The following CASP8 variants were observed in gnomAD, a reference collection of about 807,000 sequenced individuals.
CASP8 encodes caspase 8, also known as caspase-8.
Under a neutral mutation model 46.3 loss-of-function variants are expected in CASP8, and 24 were observed. The ratio of observed to expected loss-of-function variants is 0.52; its 90% CI spans 0.38 to 0.73. The LOEUF is 0.73. CASP8 is among the 30% of genes least tolerant of loss of function. CASP8 has a pLI of 0.00. For missense variants in CASP8, 460 were observed against 559.0 expected (o/e 0.82, Z 1.79); for synonymous variants, 188 against 200.4 (o/e 0.94, Z 0.52).
At chr2:201,243,199 C>T (rs1946375367) in intron 2 of CASP8, among the ~76,000 whole-genome samples, 1 of 152,136 alleles carries the variant, frequency 6.6e-6, no homozygotes, top group Non-Finnish European at 1.5e-5. Flanking sequence ...TACACTTAAA[C>T]ATTTGCTAAG....
intron 2 of CASP8, among the ~76,000 whole-genome samples, chr2:201,243,911 G>A (rs1559330501): frequency 6.6e-6 from 1 of 152,174 alleles, no homozygotes; most frequent in African/African-American, 2.4e-5. Flanking sequence ...AAGGGTCGGG[G>A]GGCAGCAATC....
rs138030956 is a variant in CASP8, at chr2:201,284,865, C to T, written c.852C>T (p.His284=). 1.2e-4 allele frequency: 197 copies of T among 1,614,002 alleles called. No individual in the cohort carries two copies. Among genetic ancestry groups the T allele is most frequent in the Non-Finnish European group, 1.4e-4 (171 of 1,180,020 alleles). The change falls in exon 8 of 9, where the codon CAC becomes CAT. Residue 284 remains histidine, a synonymous_variant. Coordinates refer to ENST00000673742, the MANE Select transcript of CASP8 (RefSeq NM_001372051.1). The stretch of plus-strand genomic sequence containing the variant: ...AGCTTCATTTTGAGATCAAGCCCCA[C>T]GATGACTGCACAGTAGAGCAAATCT... ...FEELHFEIKP[H]DDCTVEQIYE...
At chr2:201,244,198 C>T (rs1222201781) in intron 2 of CASP8, among the ~76,000 whole-genome samples, 2 of 152,162 alleles carry the variant, frequency 1.3e-5, no homozygotes, top group Non-Finnish European at 2.9e-5. Context: ...ATTAATATGC[C>T]TGGGGTAGCT....
At chr2:201,283,683 G>T (rs1949319020) in intron 7 of CASP8, among the ~76,000 whole-genome samples, 1 of 86,512 alleles carries the variant, frequency 1.2e-5, no homozygotes, top group Non-Finnish European at 2.8e-5. Flanking sequence ...GGGGCGGATG[G>T]CCGACCACCC....
At chr2:201,268,909 TTG>T (rs58087434) in intron 2 of CASP8, among the ~76,000 whole-genome samples, 15,089 of 131,402 alleles carry the variant, frequency 0.11, 833 homozygotes, top group African/African-American at 0.16. Flanking sequence ...GGCCTCATCT[TTG>T]TGTGTGTGTG....
intron 2 of CASP8, among the ~76,000 whole-genome samples, chr2:201,252,920 T>C (rs750596722): frequency 1.3e-5 from 2 of 152,198 alleles, no homozygotes; most frequent in Non-Finnish European, 2.9e-5. Context: ...GAATTTTCTT[T>C]ACAGAAAGTG....
chr2:201,237,198 C>T lies in CASP8; in HGVS notation c.-27+3086C>T, dbSNP rs540535311. 2.0e-5 allele frequency among the ~76,000 whole-genome samples: 3 copies of T among 147,034 alleles called. No homozygotes were observed. The East Asian group carries it at 6.1e-4, about 30-fold the overall frequency. ...CTCCGCCTCCCAGGTTCAAAAGATT[C>T]TCCCACCTCAGCCTCCTGAGTAGCT... On this transcript the variant is annotated intron_variant, in intron 2 of 6. Coordinates refer to the CASP8 transcript ENST00000264274.
At chr2:201,237,374 A>T (rs1946096937) in intron 2 of CASP8, among the ~76,000 whole-genome samples, 1 of 149,764 alleles carries the variant, frequency 6.7e-6, no homozygotes, top group Non-Finnish European at 1.5e-5. Flanking sequence ...TACAGGCGTG[A>T]GCCACCTTGT....
At chr2:201,278,768 G>A (rs60928755) in intron 7 of CASP8, among the ~76,000 whole-genome samples, 1 of 152,006 alleles carries the variant, frequency 6.6e-6, no homozygotes, top group Admixed American at 6.6e-5. Flanking sequence ...CTGACCTCAG[G>A]TGATCCACTC....
intron 2 of CASP8, among the ~76,000 whole-genome samples, chr2:201,243,806 C>T (rs962904391): frequency 3.3e-5 from 5 of 152,170 alleles, no homozygotes; most frequent in African/African-American, 1.2e-4. Context: ...CCGAGGCATA[C>T]AGGAGGCGAT....
intron 7 of CASP8, among the ~76,000 whole-genome samples, chr2:201,279,561 C>T (rs1371500341): frequency 3.3e-5 from 5 of 152,258 alleles, no homozygotes; most frequent in Non-Finnish European, 5.9e-5. Context: ...GAACAAGCCA[C>T]ATCCACAAAC....
chr2:201,265,632 C>T (rs1477573826), intron 1 of CASP8, among the ~76,000 whole-genome samples: 2 of 152,054 alleles, frequency 1.3e-5, no homozygotes, highest in African/African-American at 4.8e-5. Flanking sequence ...CTTAGCTCCT[C>T]ATCACCTCCA....
intron 7 of CASP8, among the ~76,000 whole-genome samples, chr2:201,278,736 T>C (rs1195106949): frequency 6.6e-6 from 1 of 152,124 alleles, no homozygotes; most frequent in African/African-American, 2.4e-5. Flanking sequence ...TTCACCATGT[T>C]GGTCAGGCTG....
rs1422196480 is a variant in CASP8 at position 201,272,862 on chromosome 2, A to C, written c.551-36A>C. ...TCGCTCCATATCACAGTTGTTTCTA[A>C]TCAAATATTGTTTGGGGTTTCCCCT... On this transcript the variant is annotated intron_variant, in intron 4 of 8. Coordinates refer to ENST00000673742, the MANE Select transcript of CASP8 (RefSeq NM_001372051.1). This position sits in a 1 kb window ranked among gnomAD's most constrained non-coding sequence, Gnocchi z 4.4. 2 of 1,614,046 alleles carry C rather than the reference A, an allele frequency of 1.2e-6. No individual in the cohort carries two copies. The highest frequency in any genetic ancestry group is 3.3e-5 in the Admixed American group (2 of 60,028).
upstream of CASP8, among the ~76,000 whole-genome samples, chr2:201,257,685 A>T (rs1242627947): frequency 6.6e-6 from 1 of 152,150 alleles, no homozygotes; most frequent in East Asian, 1.9e-4. Context: ...GAGCCAGAAC[A>T]CTTCCTCCTT....
chr2:201,246,254 C>T (rs1226276355), intron 2 of CASP8, among the ~76,000 whole-genome samples: 1 of 152,110 alleles, frequency 6.6e-6, no homozygotes, highest in Non-Finnish European at 1.5e-5. Flanking sequence ...AAAAAGACAG[C>T]CCAGGGCACA....
In CASP8 at chr2:201,269,581, G is replaced by A. The variant is rs774427459; in HGVS notation, c.306-1935G>A. ...CAGACACAGTCTGTACCTTTCTGGC[G>A]GAGGGTCGATCATCTATTAATAAGG... On this transcript the variant is annotated intron_variant, in intron 2 of 8. Coordinates refer to ENST00000673742, the MANE Select transcript of CASP8 (RefSeq NM_001372051.1). 1.7e-5 allele frequency: 28 copies of A among 1,612,946 alleles called. No individual in the cohort carries two copies. Among genetic ancestry groups the A allele is most frequent in the Middle Eastern group, 1.6e-4 (1 of 6,082 alleles).
chr2:201,247,825 T>C (rs899517737), intron 2 of CASP8, among the ~76,000 whole-genome samples: 2 of 152,192 alleles, frequency 1.3e-5, no homozygotes, highest in African/African-American at 4.8e-5. Context: ...TTTGTATTTT[T>C]AGTGGAGACA....
chr2:201,283,084 G>A (rs1174933136), intron 7 of CASP8, among the ~76,000 whole-genome samples: 39 of 61,304 alleles, frequency 6.4e-4, no homozygotes, highest in South Asian at 2.4e-3. Flanking sequence ...GCGGCTGGCC[G>A]GGCGGGGGGC....
Sources: allele counts gnomAD v4.1 joint callset (sites outside exome capture counted in the v4.1 genomes callset), GRCh38; gene constraint gnomAD v4.1.1; non-coding constraint Gnocchi (gnomAD v3.1); transcripts MANE v1.5; gene names NCBI Gene and HGNC (gene_info 2026-07-23, HGNC 2026-07-21).